The following BCAS4 variants were observed in gnomAD, a reference collection of about 807,000 sequenced individuals.
BCAS4 encodes breast carcinoma amplified sequence 4.
A neutral mutation model predicts 15.7 loss-of-function variants in BCAS4; 9 were observed. That is an observed-to-expected ratio of 0.57 (90% CI 0.34 to 1.00). The LOEUF is 1.00. Among genes scored for constraint, BCAS4 ranks in the 50% least tolerant of loss-of-function variants. The probability of loss-of-function intolerance (pLI) is 0.02; values close to 1 mark genes in which losing one functional copy is unlikely to be tolerated. For missense variants in BCAS4, 225 were observed against 239.1 expected (o/e 0.94, Z 0.39); for synonymous variants, 101 against 99.5 (o/e 1.02, Z -0.09).
At chr20:50,813,914 C>T (rs2088104159) in intron 1 of BCAS4, among the ~76,000 whole-genome samples, 1 of 152,006 alleles carries the variant, frequency 6.6e-6, no homozygotes, top group African/African-American at 2.4e-5. Flanking sequence ...CGCCTCCTTC[C>T]CCTCTGAGTG....
At chr20:50,854,571 C>T (rs1001149086) in intron 4 of BCAS4, among the ~76,000 whole-genome samples, 7 of 152,100 alleles carry the variant, frequency 4.6e-5, no homozygotes, top group African/African-American at 1.2e-4. Flanking sequence ...CCACAGTCAG[C>T]GGGAGGAGGT....
At position 50,841,987 on chromosome 20, in the gene BCAS4, A is replaced by G; in HGVS notation, c.399+87A>G. 5 of 1,439,994 alleles carry G rather than the reference A, an allele frequency of 3.5e-6. No homozygotes were observed. The South Asian group carries it at 7.2e-5, about 21-fold the overall frequency. 89.2% of individuals were successfully genotyped at this position (1,439,994 alleles called of 1,614,324 possible). On this transcript the variant is annotated intron_variant, in intron 4 of 4. Coordinates refer to ENST00000371608, the MANE Select transcript of BCAS4 (RefSeq NM_198799.4). ...GCGTGGGGAGGAGCATGCAGGAAGC[A>G]GAGTTCAGGGGGGCACATTTCACTT...
Position 50,861,133 on chromosome 20 carries a change from A to G in BCAS4, c.400-15353A>G, listed in dbSNP as rs1392283222. Among the ~76,000 whole-genome samples, 5 of 152,036 alleles carry G rather than the reference A, an allele frequency of 3.3e-5. No individual in the cohort carries two copies. The South Asian group carries it at 6.2e-4, about 19-fold the overall frequency. On this transcript the variant is annotated intron_variant, in intron 4 of 4. Transcript: ENST00000371608. ...CCAGTATTGTGTCTCCATGAGGCCA[A>G]ATGAAGTCACCTGGGAGCGGGAGGC...
chr20:50,837,843 C>T (rs2088428270), intron 3 of BCAS4, among the ~76,000 whole-genome samples: 3 of 152,356 alleles, frequency 2.0e-5, no homozygotes, highest in Non-Finnish European at 2.9e-5. Context: ...AAATTGGAAT[C>T]GGCTGGAGGA....
At chr20:50,822,195 G>A (rs2088224513) in intron 2 of BCAS4, among the ~76,000 whole-genome samples, 1 of 152,026 alleles carries the variant, frequency 6.6e-6, no homozygotes, top group South Asian at 2.1e-4. Context: ...TGGCTGGCGT[G>A]GGCTTCCTCG....
At chr20:50,869,732 C>G (rs1251917080) in intron 4 of BCAS4, among the ~76,000 whole-genome samples, 2 of 147,516 alleles carry the variant, frequency 1.4e-5, no homozygotes, top group African/African-American at 5.0e-5. Flanking sequence ...TCAAATCTGG[C>G]CTGGCACTGC....
chr20:50,863,926 G>A (rs548326377), intron 4 of BCAS4, among the ~76,000 whole-genome samples: 2 of 152,218 alleles, frequency 1.3e-5, no homozygotes, highest in Non-Finnish European at 2.9e-5. Flanking sequence ...CCCAGCTCCA[G>A]CCAAATCCAT....
intron 1 of BCAS4, among the ~76,000 whole-genome samples, chr20:50,800,607 G>C (rs2087916019): frequency 1.4e-5 from 2 of 144,918 alleles, no homozygotes; most frequent in South Asian, 4.3e-4. Flanking sequence ...TGTCACCCAG[G>C]CTGGAGTGCA....
chr20:50,816,785 T>G (rs2088142752), intron 1 of BCAS4, among the ~76,000 whole-genome samples: 1 of 143,212 alleles, frequency 7.0e-6, no homozygotes, highest in East Asian at 2.0e-4. Context: ...CCACCATGCC[T>G]GGCTAATTTT....
chr20:50,796,791 G>C (rs1459072262), intron 1 of BCAS4, among the ~76,000 whole-genome samples: 3 of 150,858 alleles, frequency 2.0e-5, no homozygotes, highest in Admixed American at 1.3e-4. Flanking sequence ...ACAGCGCCCA[G>C]CCATCTCCAC....
chr20:50,837,203 T>G (rs975601173), intron 3 of BCAS4, among the ~76,000 whole-genome samples: 13 of 152,320 alleles, frequency 8.5e-5, no homozygotes, highest in Admixed American at 2.0e-4. Flanking sequence ...GTGGTAGAAC[T>G]GGGGTTTCAA....
intron 2 of BCAS4, among the ~76,000 whole-genome samples, chr20:50,823,325 G>A (rs2088239692): frequency 6.6e-6 from 1 of 151,986 alleles, no homozygotes; most frequent in Non-Finnish European, 1.5e-5. Context: ...CGGTGACAGA[G>A]TGAGACTCCG....
intron 2 of BCAS4, among the ~76,000 whole-genome samples, chr20:50,820,900 G>A (rs562676960): frequency 2.0e-5 from 3 of 151,844 alleles, no homozygotes; most frequent in Non-Finnish European, 4.4e-5. Flanking sequence ...GATGTTTCTG[G>A]GGGGGAAAAA....
intron 4 of BCAS4, among the ~76,000 whole-genome samples, chr20:50,844,302 C>T (rs2088517605): frequency 6.6e-6 from 1 of 152,036 alleles, no homozygotes; most frequent in African/African-American, 2.4e-5. Context: ...AGTGTGATGG[C>T]ATGCACCTGT....
At chr20:50,880,750 C>T (rs1980103917), downstream of BCAS4, 1 of 152,190 alleles carries the variant, frequency 6.6e-6, no homozygotes, top group Admixed American at 6.5e-5. Flanking sequence ...ACTTCGTGCT[C>T]ACCAAAGCAA....
intron 1 of BCAS4, among the ~76,000 whole-genome samples, chr20:50,803,602 G>C (rs1014042775): frequency 1.3e-5 from 2 of 151,988 alleles, no homozygotes; most frequent in African/African-American, 4.8e-5. Context: ...CAGCACTTTG[G>C]GAGGCTGAAG....
chr20:50,800,618 G>A (rs935015550), intron 1 of BCAS4, among the ~76,000 whole-genome samples: 2 of 143,782 alleles, frequency 1.4e-5, no homozygotes, highest in Admixed American at 1.4e-4. Flanking sequence ...CTGGAGTGCA[G>A]TGGCGCAAAC....
chr20:50,816,312 C>T (rs6020766), intron 1 of BCAS4, among the ~76,000 whole-genome samples: 3,770 of 152,332 alleles, frequency 0.025, 46 homozygotes, highest in Middle Eastern at 0.034. Context: ...AGGCGTGAGC[C>T]ACTACGCCTG....
intron 3 of BCAS4, among the ~76,000 whole-genome samples, chr20:50,835,337 C>T (rs1217774232): frequency 6.6e-6 from 1 of 151,364 alleles, no homozygotes; most frequent in Non-Finnish European, 1.5e-5. Flanking sequence ...CTCTGCCTCC[C>T]GGGTTCAAGT....
Sources: gnomAD v4.1 joint callset for allele counts (sites outside exome capture counted in the v4.1 genomes callset) on GRCh38, gnomAD v4.1.1 for gene constraint, MANE v1.5 for transcripts, NCBI Gene and HGNC (gene_info 2026-07-23, HGNC 2026-07-21) for gene names.